MED14: variants seen among roughly 807,000 people sequenced by gnomAD.
The protein encoded by MED14 is mediator of RNA polymerase II transcription subunit 14.
A neutral mutation model predicts 109.0 loss-of-function variants in MED14; 8 were observed. The observed-to-expected ratio is 0.07, with a 90% confidence interval of 0.04 to 0.13. MED14 has a LOEUF of 0.13. Among genes scored for constraint, MED14 ranks in the 10% least tolerant of loss-of-function variants. The pLI, the probability that MED14 is intolerant of heterozygous loss-of-function variation, is 1.00. For synonymous variants in MED14, 399 were observed against 408.7 expected (o/e 0.98, Z 0.29); for missense variants, 711 against 1,142.4 (o/e 0.62, Z 5.44).
intron 3 of MED14, among the ~76,000 whole-genome samples, chrX:40,724,039 T>G (rs187001898): frequency 1.9e-4 from 21 of 109,694 alleles, no homozygotes; most frequent in Non-Finnish European, 3.2e-4. Context: ...CAAAAAGGAG[T>G]AGGAGTAGCT....
chrX:40,735,480 C>T lies in MED14; in HGVS notation c.-68G>A. ...TCCTCGAGCCTCCCGGGCGCTCGGT[C>T]ACCGCGCCGAAACGGGAGCGGGCAG... On this transcript the variant is annotated 5_prime_UTR_variant, in exon 1 of 31. Coordinates refer to ENST00000324817, the MANE Select transcript of MED14 (RefSeq NM_004229.4). The T allele has an allele frequency of 9.8e-7, 1 of 1,015,266 alleles. No individual in the cohort carries two copies. Among genetic ancestry groups the T allele is most frequent in the East Asian group, 3.4e-5 (1 of 29,792 alleles). The allele number at this position is 1,015,266 out of a possible 1,213,427, so 83.7% of individuals were successfully genotyped here. A position where few individuals can be genotyped will look rare whatever the true frequency, so the allele number is the denominator to read the frequency against.
At chrX:40,678,269 A>C (rs1929980910) in intron 21 of MED14, among the ~76,000 whole-genome samples, 2 of 111,929 alleles carry the variant, frequency 1.8e-5, no homozygotes, top group African/African-American at 6.5e-5. Context: ...GATTTCTTCA[A>C]GATGAAATCA....
chrX:40,719,342 A>T (rs1171464567), intron 3 of MED14, among the ~76,000 whole-genome samples: 2 of 112,203 alleles, frequency 1.8e-5, no homozygotes, highest in Non-Finnish European at 3.8e-5. Flanking sequence ...ACATCCCAAC[A>T]GTTGGACATG....
intron 3 of MED14, among the ~76,000 whole-genome samples, chrX:40,716,279 T>A (rs1569296496): frequency 9.1e-6 from 1 of 110,400 alleles, no homozygotes; most frequent in Non-Finnish European, 1.9e-5. Flanking sequence ...CAGAGAACAC[T>A]ATGGAGGTTC....
At chrX:40,689,968 C>T (rs1159647521) in intron 15 of MED14, among the ~76,000 whole-genome samples, 4 of 111,877 alleles carry the variant, frequency 3.6e-5, no homozygotes, top group Admixed American at 9.5e-5. Context: ...CATTAACCTA[C>T]GTAGGCCTAC....
At chrX:40,728,072 T>C (rs1931949541) in intron 2 of MED14, among the ~76,000 whole-genome samples, 1 of 111,810 alleles carries the variant, frequency 8.9e-6, no homozygotes, top group African/African-American at 3.3e-5. Context: ...AAACACACAT[T>C]AAGATCCAGC....
intron 15 of MED14, among the ~76,000 whole-genome samples, chrX:40,689,599 G>A (rs1484502169): frequency 1.8e-5 from 2 of 109,903 alleles, no homozygotes; most frequent in Non-Finnish European, 1.9e-5. Flanking sequence ...GCTGAGGCAG[G>A]AGAATCGCTT....
chrX:40,705,743 A>G (rs771258952), intron 10 of MED14, among the ~76,000 whole-genome samples: 1 of 111,607 alleles, frequency 9.0e-6, no homozygotes, highest in Non-Finnish European at 1.9e-5. Flanking sequence ...AAGAGCGGCA[A>G]CTAAGCTCAA....
Position 40,651,049 on chromosome X carries a change from C to T in MED14, c.*757G>A, listed in dbSNP as rs953290003. 2.4e-5 allele frequency: 18 copies of T among 751,955 alleles called. No individual in the cohort carries two copies. In the South Asian group the frequency reaches 1.0e-3, roughly 43 times the overall value. The allele number at this position is 751,955 out of a possible 1,213,427, so 62.0% of individuals were successfully genotyped here. A position where few individuals can be genotyped will look rare whatever the true frequency, so the allele number is the denominator to read the frequency against. On this transcript the variant is annotated 3_prime_UTR_variant, in exon 31 of 31. Coordinates refer to ENST00000324817, the MANE Select transcript of MED14 (RefSeq NM_004229.4). ...TAAGTTCCTTATTTTTCACCCAAAT[C>T]CTATATATTGAAAGACAACCAAGGT...
At chrX:40,703,636 CAAT>C in intron 10 of MED14, 67 bp from the exon 11 acceptor site, 1 of 900,903 alleles carries the variant, frequency 1.1e-6, no homozygotes, top group Non-Finnish European at 1.5e-6. Context: ...ATTTCTCAAT[CAAT>C]GAGTACAAAC....
At chrX:40,724,178 C>G (rs1931824916) in intron 3 of MED14, among the ~76,000 whole-genome samples, 1 of 112,107 alleles carries the variant, frequency 8.9e-6, no homozygotes, top group Non-Finnish European at 1.9e-5. Flanking sequence ...CTGGAACACC[C>G]AGATATATAA....
At chrX:40,713,099 T>C in intron 5 of MED14, 57 bp from the exon 6 acceptor site, 1 of 1,067,592 alleles carries the variant, frequency 9.4e-7, no homozygotes, top group African/African-American at 1.9e-5. Flanking sequence ...AATGAGAATC[T>C]TCCTCCTGAC....
At chrX:40,657,262 C>T (rs947570994) in intron 28 of MED14, among the ~76,000 whole-genome samples, 1 of 111,775 alleles carries the variant, frequency 8.9e-6, no homozygotes, top group African/African-American at 3.3e-5. Flanking sequence ...TAACCCCCAG[C>T]ACCCATGAAT....
At chrX:40,703,415 T>C (rs1312382681) in intron 11 of MED14, 29 bp downstream of exon 11, 2 of 1,112,746 alleles carry the variant, frequency 1.8e-6, no homozygotes, top group Non-Finnish European at 2.5e-6. Context: ...TTTTCTTACA[T>C]TGAATGATTA....
intron 15 of MED14, among the ~76,000 whole-genome samples, chrX:40,689,759 C>G (rs746825950): frequency 9.0e-6 from 1 of 111,609 alleles, no homozygotes; most frequent in Admixed American, 9.5e-5. Context: ...CACATCTCAG[C>G]CTAAATTACT....
chrX:40,707,115 A>G (rs1402374698), intron 10 of MED14, among the ~76,000 whole-genome samples: 2 of 107,528 alleles, frequency 1.9e-5, no homozygotes, highest in Non-Finnish European at 3.9e-5. Context: ...ATGGATAGAT[A>G]GATAGATAGA....
Position 40,708,090 on chromosome X carries a change from T to C in MED14, c.1285+1258A>G, listed in dbSNP as rs35457334. Among the ~76,000 whole-genome samples the C allele has an allele frequency of 8.6e-3, 951 of 110,551 alleles. 7 individuals are homozygous for C. The highest frequency in any genetic ancestry group is 0.029 in the African/African-American group (894 of 30,400). ...GAAGCTTTTAATTAAATTAAGATAA[T>C]GAAGTACTGATAAAGCTAATGTTAA... On this transcript the variant is annotated intron_variant, in intron 10 of 30. Coordinates refer to ENST00000324817, the MANE Select transcript of MED14 (RefSeq NM_004229.4).
At chrX:40,694,099 A>C (rs1253810605) in intron 13 of MED14, among the ~76,000 whole-genome samples, 1 of 111,207 alleles carries the variant, frequency 9.0e-6, no homozygotes, top group Non-Finnish European at 1.9e-5. Context: ...GGGTTTTGCC[A>C]TGTTGTCCAA....
At chrX:40,706,332 A>G (rs1931141271) in intron 10 of MED14, among the ~76,000 whole-genome samples, 1 of 111,636 alleles carries the variant, frequency 9.0e-6, no homozygotes, top group African/African-American at 3.3e-5. Flanking sequence ...CCTCATTTCT[A>G]GAACTGTCCT....
Sources: allele counts gnomAD v4.1 joint callset (sites outside exome capture counted in the v4.1 genomes callset), GRCh38; gene constraint gnomAD v4.1.1; transcripts MANE v1.5; gene names NCBI Gene and HGNC (gene_info 2026-07-23, HGNC 2026-07-21).